The following EFR3A variants were observed in gnomAD, a reference collection of about 807,000 sequenced individuals.
EFR3A encodes the protein EFR3 homolog A.
In EFR3A, 76 loss-of-function variants were observed where a neutral mutation model predicts 104.4. That is an observed-to-expected ratio of 0.73 (90% CI 0.60 to 0.88). EFR3A has a LOEUF of 0.88. EFR3A is among the 40% of genes least tolerant of loss of function. EFR3A has a pLI of 0.00. For synonymous variants in EFR3A, 330 were observed against 330.0 expected, an observed-to-expected ratio of 1.00 and a Z score of 0.00; for missense variants, 985 against 1,012.5, an observed-to-expected ratio of 0.97 and a Z score of 0.37.
chr8:132,010,407 G>GATATACAT lies in EFR3A; in HGVS notation c.2361-378_2361-377insCATATATA, dbSNP rs1554610360. ...GTTCTCTGGATTAAATCAAGTATGA[G>GATATACAT]ATATATATATATATATATATATATA... is the stretch of plus-strand genomic sequence containing the variant. On this transcript the variant is annotated intron_variant, in intron 22 of 22. Transcript: ENST00000254624. Among the ~76,000 whole-genome samples, 3 of 81,880 alleles carry GATATACAT rather than the reference G, an allele frequency of 3.7e-5. 1 individual carries two copies. Among genetic ancestry groups the GATATACAT allele is most frequent in the African/African-American group, 1.5e-4 (3 of 20,362 alleles). The allele number at this position is 81,880 out of a possible 152,430, so 53.7% of individuals were successfully genotyped here.
intron 4 of EFR3A, among the ~76,000 whole-genome samples, 195 bp from the exon 5 acceptor site, chr8:131,949,774 C>T (rs553495117): frequency 6.6e-6 from 1 of 152,014 alleles, no homozygotes; most frequent in Non-Finnish European, 1.5e-5. Flanking sequence ...GATCACACCA[C>T]TGCACTGCAG....
In EFR3A at chr8:131,971,773, G is replaced by A. The variant is rs545161141; in HGVS notation, c.1159+1130G>A. Among the ~76,000 whole-genome samples the A allele has an allele frequency of 1.8e-3, 280 of 152,080 alleles. 2 individuals carry two copies. Among genetic ancestry groups the A allele is most frequent in the African/African-American group, 6.6e-3 (272 of 41,494 alleles). ...TCTTCTCAGATTAGCACATCCAGAGGTGCACACTGTAACTTGCTCCTTTTT... is the reference window on the plus strand; with the variant it reads ...TCTTCTCAGATTAGCACATCCAGAGATGCACACTGTAACTTGCTCCTTTTT... On this transcript the variant is annotated intron_variant, in intron 10 of 22. Transcript: ENST00000254624.
chr8:132,007,454 T>C (rs540846524), intron 22 of EFR3A, among the ~76,000 whole-genome samples: 65 of 151,996 alleles, frequency 4.3e-4, no homozygotes, highest in Non-Finnish European at 4.3e-4. Flanking sequence ...ATATAAAACA[T>C]GAATGAGAGA....
Position 131,913,464 on chromosome 8 carries a change from G to T in EFR3A, c.10+9142G>T, listed in dbSNP as rs147978422. Among the ~76,000 whole-genome samples the T allele has an allele frequency of 2.0e-4, 29 of 147,128 alleles. 1 individual carries two copies. The highest frequency in any genetic ancestry group is 1.1e-4 in the Non-Finnish European group (7 of 66,512). On this transcript the variant is annotated intron_variant, in intron 1 of 22. Coordinates refer to ENST00000254624, the MANE Select transcript of EFR3A (RefSeq NM_015137.6). ...TATGGAGGAAGGAAACACTAGTCAG[G>T]TTTTTTTTTTTAATTTTACTTCTGA...
Position 131,978,882 on chromosome 8 carries a change from T to C in EFR3A, c.1362T>C (p.Thr454=), listed in dbSNP as rs1173917229. 6.2e-7 allele frequency: 1 copy of C among 1,609,818 alleles called. No homozygotes were observed. Among genetic ancestry groups the C allele is most frequent in the African/African-American group, 1.3e-5 (1 of 74,790 alleles). The change falls in exon 13 of 23, where the codon ACT becomes ACC. Residue 454 remains threonine, a synonymous_variant. Coordinates refer to ENST00000254624, the MANE Select transcript of EFR3A (RefSeq NM_015137.6). ...GATATAAAGCGAAGACGATTGTTAC[T>C]GCACTGCCAGGGTCTTTCCTGGATC... ...TSGYKAKTIV[T]ALPGSFLDPL...
intron 18 of EFR3A, among the ~76,000 whole-genome samples, chr8:131,995,209 A>G (rs533730875): frequency 2.8e-4 from 43 of 152,266 alleles, no homozygotes; most frequent in African/African-American, 9.9e-4. Flanking sequence ...GACTGAGACT[A>G]TCCGATGGCT....
At chr8:131,991,291 G>A (rs1234999422) in intron 18 of EFR3A, among the ~76,000 whole-genome samples, 2 of 152,138 alleles carry the variant, frequency 1.3e-5, no homozygotes, top group Admixed American at 6.5e-5. Flanking sequence ...CCCACAACAG[G>A]TGGGAATTCT....
chr8:131,925,150 G>A (rs10435560), intron 1 of EFR3A, among the ~76,000 whole-genome samples: 15,795 of 152,026 alleles, frequency 0.1, 1,018 homozygotes, highest in South Asian at 0.22. Context: ...TCCAGGTTTG[G>A]TCCTTTGAAG....
chr8:131,916,831 CAATA>C (rs1816765175), intron 1 of EFR3A, among the ~76,000 whole-genome samples: 1 of 152,170 alleles, frequency 6.6e-6, no homozygotes. Context: ...GATATGATGA[CAATA>C]AAGGTAATTT....
intron 1 of EFR3A, among the ~76,000 whole-genome samples, chr8:131,929,561 ATTCT>A (rs923427150): frequency 2.0e-5 from 3 of 152,084 alleles, no homozygotes; most frequent in African/African-American, 7.2e-5. Context: ...CACAGAGATA[ATTCT>A]TTCTGTATGT....
chr8:131,904,485 C>G (rs767310419), intron 1 of EFR3A, among the ~76,000 whole-genome samples, 163 bp downstream of exon 1: 1 of 152,234 alleles, frequency 6.6e-6, no homozygotes. Context: ...CTTAGCCTTC[C>G]GGAGATGGCG....
intron 8 of EFR3A, among the ~76,000 whole-genome samples, chr8:131,965,567 G>C (rs1819658678): frequency 6.6e-6 from 1 of 152,196 alleles, no homozygotes; most frequent in South Asian, 2.1e-4. Context: ...AACAACAGGT[G>C]CTGGAGAGGA....
intron 5 of EFR3A, among the ~76,000 whole-genome samples, chr8:131,953,095 C>T (rs190412002): frequency 5.1e-4 from 78 of 152,144 alleles, no homozygotes; most frequent in Middle Eastern, 3.4e-3. Flanking sequence ...TCTTCTCATT[C>T]TTGAACCTAT....
At chr8:131,985,520 T>C (rs1262087151) in intron 16 of EFR3A, among the ~76,000 whole-genome samples, 1 of 152,226 alleles carries the variant, frequency 6.6e-6, no homozygotes, top group Non-Finnish European at 1.5e-5. Flanking sequence ...CATGGTTATT[T>C]GCATGACTTA....
chr8:131,979,460 T>TGCCC (rs1820493167), intron 14 of EFR3A, 39 bp downstream of exon 14: 1 of 1,342,500 alleles, frequency 7.4e-7, no homozygotes, highest in Non-Finnish European at 1.0e-6. Flanking sequence ...GTAGTGTAAA[T>TGCCC]TACAGCCGTT....
chr8:131,972,991 T>C (rs1820151326), intron 10 of EFR3A, among the ~76,000 whole-genome samples: 1 of 150,696 alleles, frequency 6.6e-6, no homozygotes, highest in Admixed American at 6.7e-5. Flanking sequence ...TCATGATACA[T>C]GGGGCTCTCA....
Position 131,904,466 on chromosome 8 carries a change from T to A in EFR3A, c.10+144T>A, listed in dbSNP as rs1281065131. The A allele has an allele frequency of 5.8e-6, 5 of 855,344 alleles. No homozygotes were observed. The Admixed American group carries it at 2.2e-4, about 37-fold the overall frequency. 53.0% of individuals were successfully genotyped at this position (855,344 alleles called of 1,614,324 possible). On this transcript the variant is annotated intron_variant, in intron 1 of 22. Transcript: ENST00000254624. ...GTGTCTGCGAGCGGCGGAGTTAGTT[T>A]CGTTTCGGCTTAGCCTTCCGGAGAT...
rs1455257115 is a variant in EFR3A at position 132,012,671 on chromosome 8, G to T, written c.*1776G>T. On this transcript the variant is annotated 3_prime_UTR_variant, in exon 23 of 23. Transcript: ENST00000254624. ...TATTTTAAAAAAATCTAAGCAGGGG[G>T]ACATGCAAAAACAATCATCATCCAC... 1 of 152,358 alleles carries T rather than the reference G, an allele frequency of 6.6e-6. No homozygotes were observed. The highest frequency in any genetic ancestry group is 2.4e-5 in the African/African-American group (1 of 41,368). The allele number at this position is 152,358 out of a possible 1,614,324, so 9.4% of individuals were successfully genotyped here.
At chr8:131,974,323 G>T (rs1820216852) in intron 10 of EFR3A, among the ~76,000 whole-genome samples, 1 of 152,172 alleles carries the variant, frequency 6.6e-6, no homozygotes, top group African/African-American at 2.4e-5. Flanking sequence ...TGAATACAGG[G>T]AAGTATGATA....
Sources: gnomAD v4.1 joint callset for allele counts (sites outside exome capture counted in the v4.1 genomes callset) on GRCh38, gnomAD v4.1.1 for gene constraint, MANE v1.5 for transcripts, NCBI Gene and HGNC (gene_info 2026-07-23, HGNC 2026-07-21) for gene names.